ANTXRL: variants seen among roughly 807,000 people sequenced by gnomAD.
The protein encoded by ANTXRL is ANTXR like.
ANTXRL carries 63 observed loss-of-function variants against 75.4 expected under a neutral mutation model. The ratio of observed to expected loss-of-function variants is 0.84; its 90% CI spans 0.68 to 1.03. ANTXRL has a LOEUF of 1.03. Ranked by LOEUF, ANTXRL falls within the 50% of genes least tolerant of loss-of-function variation. The pLI, the probability that ANTXRL is intolerant of heterozygous loss-of-function variation, is 0.00. For missense variants in ANTXRL, 797 were observed against 789.4 expected, an observed-to-expected ratio of 1.01 and a Z score of -0.12; for synonymous variants, 335 against 291.3, an observed-to-expected ratio of 1.15 and a Z score of -1.53.
intron 2 of ANTXRL, among the ~76,000 whole-genome samples, chr10:46,293,618 G>A (rs1837189571): frequency 6.6e-6 from 1 of 151,916 alleles, no homozygotes; most frequent in Non-Finnish European, 1.5e-5. Flanking sequence ...GGAGTGTGGG[G>A]ATGCAGTGAG....
chr10:46,312,483 C>T (rs1554963770), intron 15 of ANTXRL, among the ~76,000 whole-genome samples: 2 of 147,366 alleles, frequency 1.4e-5, no homozygotes, highest in Non-Finnish European at 3.0e-5. Flanking sequence ...CCTGGCTCTG[C>T]CCCTCTCCCC....
At chr10:46,311,484 G>A in intron 14 of ANTXRL, 26 bp from the exon 15 acceptor site, 1 of 1,515,102 alleles carries the variant, frequency 6.6e-7, no homozygotes, top group South Asian at 1.3e-5. Flanking sequence ...AGCACTGTGA[G>A]CAGACAGTTG....
rs1440970154 is a variant in ANTXRL, at chr10:46,296,064, T to G, written c.438T>G (p.Pro146=). The G allele has an allele frequency of 2.0e-6, 3 of 1,535,882 alleles. No homozygotes were observed. The African/African-American group carries it at 4.1e-5, about 21-fold the overall frequency. Residue 146 remains proline (P), a synonymous_variant, in exon 4 of 17, where the codon CCT becomes CCG. Transcript: ENST00000620264. Reference sequence around the variant, plus strand: ...TTGACCAACTTCAGAAAATTGTGCCTGACGGTCACACATTCATGCAGGCAG... The same window carrying G: ...TTGACCAACTTCAGAAAATTGTGCCGGACGGTCACACATTCATGCAGGCAG... ...NGLDQLQKIV[P]DGHTFMQAGF... is the part of the protein sequence containing the mutation.
intron 13 of ANTXRL, among the ~76,000 whole-genome samples, 185 bp from the exon 14 acceptor site, chr10:46,310,276 G>C (rs1838345793): frequency 6.6e-6 from 1 of 152,198 alleles, no homozygotes; most frequent in East Asian, 1.9e-4. Flanking sequence ...GGTAAGGTTG[G>C]AGGCTGAGGC....
intron 9 of ANTXRL, among the ~76,000 whole-genome samples, chr10:46,298,387 G>C (rs558605055): frequency 6.6e-6 from 1 of 152,008 alleles, no homozygotes; most frequent in East Asian, 1.9e-4. Flanking sequence ...TGTGCTGTGA[G>C]TGTGGTGTGT....
At chr10:46,318,575 C>T (rs967604525) in intron 16 of ANTXRL, among the ~76,000 whole-genome samples, 1 of 152,026 alleles carries the variant, frequency 6.6e-6, no homozygotes, top group Non-Finnish European at 1.5e-5. Flanking sequence ...AGAAGACTTG[C>T]CTTATCCAAT....
Position 46,297,315 on chromosome 10 carries a change from A to ACACTCT in ANTXRL, c.575_580dup (p.Thr192_Leu193dup), listed in dbSNP as rs1397211755. On this transcript the variant is annotated inframe_insertion, in exon 6 of 17. Coordinates refer to ENST00000620264, the MANE Select transcript of ANTXRL (RefSeq NM_001278688.3). ...GAACTGGTGGCACATGCATTTCAGG[A>ACACTCT]CACTCTCAGAGAAGTGAGTCCAGTT... 5.9e-6 allele frequency: 9 copies of ACACTCT among 1,536,482 alleles called. 1 individual carries two copies. The African/African-American group carries it at 1.1e-4, about 19-fold the overall frequency.
chr10:46,300,993 C>G (rs1249103243), intron 9 of ANTXRL, among the ~76,000 whole-genome samples: 6 of 149,554 alleles, frequency 4.0e-5, no homozygotes, highest in South Asian at 2.1e-4. Context: ...TCCCACCCCC[C>G]CTCTCTCTTC....
rs1184359973 is a variant in ANTXRL, at chr10:46,293,814, A to G, written c.321-15A>G. 1 of 1,535,170 alleles carries G rather than the reference A, an allele frequency of 6.5e-7. No individual in the cohort carries two copies. Among genetic ancestry groups the G allele is most frequent in the Non-Finnish European group, 8.7e-7 (1 of 1,146,226 alleles). On this transcript the variant is annotated splice_polypyrimidine_tract_variant and intron_variant, in intron 2 of 16. Transcript: ENST00000620264. ...TGTGCCACTGGCTTCTCACCAGCACATGATTCCTTCACAGCCCAAATATTC... is the reference window on the plus strand; with the variant it reads ...TGTGCCACTGGCTTCTCACCAGCACGTGATTCCTTCACAGCCCAAATATTC...
At chr10:46,307,507 A>G in intron 12 of ANTXRL, 27 bp downstream of exon 12, 2 of 1,518,354 alleles carry the variant, frequency 1.3e-6, no homozygotes, top group African/African-American at 1.4e-5. Context: ...GGCTGCAAAC[A>G]TGTATGAGGA....
intron 16 of ANTXRL, among the ~76,000 whole-genome samples, chr10:46,313,912 C>G (rs1458996433): frequency 1.3e-5 from 2 of 152,212 alleles, no homozygotes; most frequent in Non-Finnish European, 2.9e-5. Context: ...TGACTCCTGC[C>G]CTTACTCTGC....
At chr10:46,303,845 A>T (rs1837904982) in intron 10 of ANTXRL, among the ~76,000 whole-genome samples, 1 of 152,110 alleles carries the variant, frequency 6.6e-6, no homozygotes, top group East Asian at 1.9e-4. Flanking sequence ...CCTGGGGTGC[A>T]GTTGGATTTT....
chr10:46,294,484 A>G (rs1208361738), intron 3 of ANTXRL, among the ~76,000 whole-genome samples: 1 of 152,128 alleles, frequency 6.6e-6, no homozygotes, highest in African/African-American at 2.4e-5. Context: ...AGCACAGCAG[A>G]GTTCCTGTTT....
chr10:46,329,077 A>G (rs1839365469), intron 16 of ANTXRL, among the ~76,000 whole-genome samples: 1 of 152,182 alleles, frequency 6.6e-6, no homozygotes, highest in South Asian at 2.1e-4. Context: ...TGTGTGCCCA[A>G]GATGAAAGCA....
At chr10:46,329,543 C>G in intron 16 of ANTXRL, 56 bp from the exon 17 acceptor site, 1 of 1,509,640 alleles carries the variant, frequency 6.6e-7, no homozygotes, top group Middle Eastern at 1.7e-4. Context: ...CCGCAGCCTT[C>G]TGAGCCCAGT....
chr10:46,304,135 A>C (rs1238051781), intron 10 of ANTXRL, among the ~76,000 whole-genome samples: 7 of 152,144 alleles, frequency 4.6e-5, no homozygotes, highest in African/African-American at 1.7e-4. Flanking sequence ...GGGACTGAGC[A>C]GCCCCTTTCT....
At chr10:46,291,440 A>G (rs1836978131) in intron 1 of ANTXRL, among the ~76,000 whole-genome samples, 1 of 150,972 alleles carries the variant, frequency 6.6e-6, no homozygotes, top group African/African-American at 2.4e-5. Context: ...TCCATATGAA[A>G]TCTAGTGCAA....
intron 16 of ANTXRL, 84 bp downstream of exon 16, chr10:46,313,400 G>C: frequency 7.3e-7 from 1 of 1,377,294 alleles, no homozygotes; most frequent in Non-Finnish European, 1.0e-6. Context: ...TTGGGGCTCA[G>C]AGAGCCATGT....
rs1554957720 is a variant in ANTXRL at position 46,293,926 on chromosome 10, G to A, written c.392+26G>A. On this transcript the variant is annotated intron_variant, in intron 3 of 16. Transcript: ENST00000620264. ...GTGAGTGCTGCTTTGAGCCCCAAAG[G>A]GAGGCCTGATGAGCTTGGCCAGAGG... The A allele has an allele frequency of 2.0e-6, 3 of 1,534,064 alleles. No homozygotes were observed. The Admixed American group carries it at 5.9e-5, about 30-fold the overall frequency.
Sources: gnomAD v4.1 joint callset for allele counts (sites outside exome capture counted in the v4.1 genomes callset) on GRCh38, gnomAD v4.1.1 for gene constraint, MANE v1.5 for transcripts, NCBI Gene and HGNC (gene_info 2026-07-23, HGNC 2026-07-21) for gene names.